Variants in RXFP1 observed in about 807,000 individuals in gnomAD.
RXFP1 encodes the protein relaxin receptor 1.
A neutral mutation model predicts 89.8 loss-of-function variants in RXFP1; 73 were observed. That is an observed-to-expected ratio of 0.81 (90% CI 0.67 to 0.99). The LOEUF is 0.99. Ranked by LOEUF, RXFP1 falls within the 50% of genes least tolerant of loss-of-function variation. The pLI is 0.00. For missense variants in RXFP1, 793 were observed against 895.5 expected (o/e 0.89, Z 1.46); for synonymous variants, 277 against 305.5 (o/e 0.91, Z 0.97).
intron 9 of RXFP1, among the ~76,000 whole-genome samples, chr4:158,620,911 A>G (rs923541345): frequency 3.9e-5 from 6 of 152,164 alleles, no homozygotes; most frequent in African/African-American, 1.4e-4. Context: ...CCTTGAGCTC[A>G]GGAGTTTGAG....
At chr4:158,572,247 T>C (rs2149996111) in intron 1 of RXFP1, among the ~76,000 whole-genome samples, 1 of 152,358 alleles carries the variant, frequency 6.6e-6, no homozygotes, top group Middle Eastern at 3.4e-3. Context: ...GCCCGTGTAC[T>C]TAATCATCTC....
At chr4:158,581,554 A>G (rs547027444) in intron 2 of RXFP1, among the ~76,000 whole-genome samples, 11 of 152,210 alleles carry the variant, frequency 7.2e-5, no homozygotes, top group Non-Finnish European at 1.3e-4. Context: ...AATATATAAG[A>G]GATTAGATGA....
At chr4:158,574,574 T>C (rs1755822558) in intron 2 of RXFP1, among the ~76,000 whole-genome samples, 1 of 152,252 alleles carries the variant, frequency 6.6e-6, no homozygotes, top group African/African-American at 2.4e-5. Flanking sequence ...GAAACCCCGT[T>C]GTAATAACCA....
At chr4:158,559,085 C>G (rs1392536175) in intron 1 of RXFP1, among the ~76,000 whole-genome samples, 3 of 152,160 alleles carry the variant, frequency 2.0e-5, no homozygotes, top group African/African-American at 7.2e-5. Context: ...AAAATTTTTA[C>G]ATATTTAACA....
chr4:158,571,526 G>A (rs1412806443), intron 1 of RXFP1, among the ~76,000 whole-genome samples: 1 of 152,126 alleles, frequency 6.6e-6, no homozygotes, highest in Non-Finnish European at 1.5e-5. Flanking sequence ...ATTAGGCGTG[G>A]TGGTGCATGC....
In RXFP1 at chr4:158,542,677, C is replaced by T. The variant is rs78012226; in HGVS notation, c.49+20652C>T. ...TCCTGACTAACTTTCCAAGTCATTT[C>T]GAAAGCCATAACCCTAAACCCCACA... On this transcript the variant is annotated intron_variant, in intron 1 of 17. Coordinates refer to ENST00000307765, the MANE Select transcript of RXFP1 (RefSeq NM_021634.4). Among the ~76,000 whole-genome samples the T allele has an allele frequency of 9.9e-3, 1,510 of 152,290 alleles. 25 individuals are homozygous for T. Among genetic ancestry groups the T allele is most frequent in the African/African-American group, 0.035 (1,439 of 41,554 alleles).
rs1398376979 is a variant in RXFP1, at chr4:158,652,707, G to A, written c.*652G>A. ...AACAGCACTTCTTTTGGCACTTCCT[G>A]CCCAGTTTTCTCTTTGCTTTAAATG... is the stretch of plus-strand genomic sequence containing the variant. On this transcript the variant is annotated 3_prime_UTR_variant, in exon 18 of 18. Transcript: ENST00000307765. 6.6e-6 allele frequency: 1 copy of A among 152,162 alleles called. No homozygotes were observed. The highest frequency in any genetic ancestry group is 1.5e-5 in the Non-Finnish European group (1 of 68,030). 9.4% of individuals were successfully genotyped at this position (152,162 alleles called of 1,614,324 possible).
intron 1 of RXFP1, among the ~76,000 whole-genome samples, chr4:158,568,988 G>A (rs555381634): frequency 6.6e-6 from 1 of 152,278 alleles, no homozygotes; most frequent in African/African-American, 2.4e-5. Context: ...TACAAACTTG[G>A]TAAGGATAAT....
intron 1 of RXFP1, among the ~76,000 whole-genome samples, chr4:158,542,098 TATATATATA>T (rs1560973264): frequency 6.0e-5 from 3 of 49,756 alleles, no homozygotes; most frequent in Non-Finnish European, 1.3e-4. Context: ...TATATATATA[TATATATATA>T]TATTTTTTTT....
chr4:158,633,991 C>T (rs142481342), intron 12 of RXFP1, among the ~76,000 whole-genome samples: 5 of 152,254 alleles, frequency 3.3e-5, no homozygotes, highest in Non-Finnish European at 5.9e-5. Context: ...TGAACATGGG[C>T]GTACAAATAT....
At chr4:158,606,573 G>C (rs765363229) in intron 5 of RXFP1, among the ~76,000 whole-genome samples, 3 of 151,950 alleles carry the variant, frequency 2.0e-5, no homozygotes, top group Non-Finnish European at 4.4e-5. Context: ...CAGCATGTCC[G>C]GTTCAGGTGC....
At chr4:158,596,039 T>C (rs938510490) in intron 3 of RXFP1, among the ~76,000 whole-genome samples, 3 of 151,116 alleles carry the variant, frequency 2.0e-5, no homozygotes, top group Non-Finnish European at 4.4e-5. Flanking sequence ...GCCCAGGAGA[T>C]TGAAGCTGCA....
intron 15 of RXFP1, 97 bp from the exon 16 acceptor site, chr4:158,646,694 T>C: frequency 6.8e-7 from 1 of 1,475,848 alleles, no homozygotes; most frequent in South Asian, 1.5e-5. Flanking sequence ...TGGAAGAAAC[T>C]TGACTATTTT....
intron 1 of RXFP1, among the ~76,000 whole-genome samples, chr4:158,567,331 G>A (rs981443602): frequency 6.6e-6 from 1 of 152,218 alleles, no homozygotes; most frequent in Admixed American, 6.5e-5. Flanking sequence ...CAGCCCCTGT[G>A]AGCGATCCAC....
At chr4:158,616,067 G>C (rs1233934659) in intron 8 of RXFP1, among the ~76,000 whole-genome samples, 2 of 152,208 alleles carry the variant, frequency 1.3e-5, no homozygotes, top group Non-Finnish European at 2.9e-5. Context: ...ATGCAAGGTT[G>C]CCACAAACCT....
intron 1 of RXFP1, 102 bp from the exon 2 acceptor site, chr4:158,572,596 T>G: frequency 1.7e-5 from 18 of 1,072,704 alleles, no homozygotes; most frequent in East Asian, 7.1e-5. Flanking sequence ...GAAACCATGA[T>G]GAGAAAGACA....
At chr4:158,568,123 T>G (rs938985473) in intron 1 of RXFP1, among the ~76,000 whole-genome samples, 2 of 152,120 alleles carry the variant, frequency 1.3e-5, no homozygotes, top group Non-Finnish European at 2.9e-5. Context: ...GCTTCACTCC[T>G]GAGCCAGTGA....
intron 1 of RXFP1, among the ~76,000 whole-genome samples, chr4:158,566,470 T>G (rs1020728600): frequency 6.6e-6 from 1 of 152,166 alleles, no homozygotes; most frequent in Non-Finnish European, 1.5e-5. Flanking sequence ...TTCAAGTGAT[T>G]CTCCTGCCTC....
chr4:158,652,447 CTAGTT>C lies in RXFP1; in HGVS notation c.*395_*399del, dbSNP rs768976818. ...ACTATACAAAGTCCATCTGCAGTTC[CTAGTT>C]TAAAGTAGAGCTTTACCTGTCATGT... On this transcript the variant is annotated 3_prime_UTR_variant, in exon 18 of 18. Coordinates refer to ENST00000307765, the MANE Select transcript of RXFP1 (RefSeq NM_021634.4). The C allele has an allele frequency of 1.9e-5, 3 of 155,578 alleles. No individual in the cohort carries two copies. Among genetic ancestry groups the C allele is most frequent in the African/African-American group, 4.8e-5 (2 of 41,562 alleles). 9.6% of individuals were successfully genotyped at this position (155,578 alleles called of 1,614,324 possible).
Sources: gnomAD v4.1 joint callset for allele counts (sites outside exome capture counted in the v4.1 genomes callset) on GRCh38, gnomAD v4.1.1 for gene constraint, MANE v1.5 for transcripts, NCBI Gene and HGNC (gene_info 2026-07-23, HGNC 2026-07-21) for gene names.